Variants in ELOVL7 observed in about 807,000 individuals in gnomAD.
ELOVL7 encodes very long chain fatty acid elongase 7.
ELOVL7 carries 27 observed loss-of-function variants against 35.7 expected under a neutral mutation model. That is an observed-to-expected ratio of 0.76 (90% CI 0.56 to 1.04). The LOEUF (loss-of-function observed/expected upper bound fraction) is 1.04. ELOVL7 is among the 50% of genes least tolerant of loss of function. The pLI is 0.00. For synonymous variants in ELOVL7, 113 were observed against 114.6 expected (o/e 0.99, Z 0.09); for missense variants, 327 against 340.8 (o/e 0.96, Z 0.32).
At chr5:60,811,963 C>T (rs1223481350) in intron 1 of ELOVL7, among the ~76,000 whole-genome samples, 3 of 152,070 alleles carry the variant, frequency 2.0e-5, no homozygotes, top group African/African-American at 7.2e-5. Context: ...GACCTTTAAC[C>T]TCAGCAATTT....
chr5:60,757,388 C>T, intron 8 of ELOVL7, 121 bp downstream of exon 8: 1 of 936,132 alleles, frequency 1.1e-6, no homozygotes, highest in Non-Finnish European at 1.6e-6. Context: ...CATGTAGGGG[C>T]CAGACGCTCT....
At chr5:60,831,818 T>G (rs1746496434) in intron 1 of ELOVL7, among the ~76,000 whole-genome samples, 1 of 152,196 alleles carries the variant, frequency 6.6e-6, no homozygotes, top group African/African-American at 2.4e-5. Context: ...ATTAGAGTTG[T>G]GGTTACTCTT....
At chr5:60,827,288 C>T (rs1211654483) in intron 1 of ELOVL7, among the ~76,000 whole-genome samples, 2 of 152,116 alleles carry the variant, frequency 1.3e-5, no homozygotes, top group East Asian at 3.8e-4. Context: ...ACTAATATTT[C>T]CTTCCACTAT....
intron 1 of ELOVL7, among the ~76,000 whole-genome samples, chr5:60,833,507 C>G (rs1439679512): frequency 3.9e-5 from 6 of 152,154 alleles, no homozygotes; most frequent in Non-Finnish European, 8.8e-5. Flanking sequence ...TCTTGTCTCA[C>G]TTCCCCACTC....
In ELOVL7 at chr5:60,754,674, T is replaced by C. The variant is rs774731618; in HGVS notation, c.796A>G (p.Arg266Gly). 4 of 1,614,060 alleles carry C rather than the reference T, an allele frequency of 2.5e-6. No homozygotes were observed. Among genetic ancestry groups the C allele is most frequent in the Non-Finnish European group, 2.5e-6 (3 of 1,180,050 alleles). The stretch of plus-strand genomic sequence containing the variant: ...CCATTTTTCACAGTTTTGGGCAACC[T>C]CTGACCTTTGGTGTAAGCACGGTAC... Reference protein sequence around the residue: ...FWYRAYTKGQRLPKTVKNGTC... With the variant: ...FWYRAYTKGQGLPKTVKNGTC... Residue 266 changes from arginine to glycine, a missense_variant, in exon 9 of 9, where the codon AGG (arginine) becomes GGG (glycine). Coordinates refer to ENST00000508821, the MANE Select transcript of ELOVL7 (RefSeq NM_024930.3).
chr5:60,819,492 C>T (rs560920812), intron 1 of ELOVL7, among the ~76,000 whole-genome samples: 6 of 152,160 alleles, frequency 3.9e-5, no homozygotes, highest in African/African-American at 1.2e-4. Flanking sequence ...TTAAGAACCA[C>T]GATCATAGGC....
chr5:60,787,777 AG>A, intron 2 of ELOVL7, among the ~76,000 whole-genome samples: 1 of 152,356 alleles, frequency 6.6e-6, no homozygotes, highest in South Asian at 2.1e-4. Context: ...GAAGTGGCAA[AG>A]CTAAAGCAGA....
In ELOVL7 at chr5:60,754,330, A is replaced by G; in HGVS notation, c.*294T>C. The G allele has an allele frequency of 2.8e-6, 1 of 358,212 alleles. No homozygotes were observed. The highest frequency in any genetic ancestry group is 5.2e-6 in the Non-Finnish European group (1 of 192,866). 22.2% of individuals were successfully genotyped at this position (358,212 alleles called of 1,614,324 possible). A position where few individuals can be genotyped will look rare whatever the true frequency, so the allele number is the denominator to read the frequency against. ...TTTGAAGAGTACTGTATTGCTTCAT[A>G]TCTTTTTTTCACTGCAACAAAATGT... On this transcript the variant is annotated 3_prime_UTR_variant, in exon 9 of 9. Transcript: ENST00000508821.
chr5:60,800,824 T>C (rs1744564241), intron 1 of ELOVL7, among the ~76,000 whole-genome samples: 1 of 152,236 alleles, frequency 6.6e-6, no homozygotes. Context: ...AGAGGGCCAA[T>C]TGTACATATT....
rs111904360 is a variant in ELOVL7, at chr5:60,760,699, C to T, written c.500-3054G>A. Reference sequence around the variant, plus strand: ...TTGCCATTGCTTTTGGTGTTGTAGACATGAAGTCCTTGCCCATGCCTATGT... The same window carrying T: ...TTGCCATTGCTTTTGGTGTTGTAGATATGAAGTCCTTGCCCATGCCTATGT... On this transcript the variant is annotated intron_variant, in intron 7 of 8. Coordinates refer to ENST00000508821, the MANE Select transcript of ELOVL7 (RefSeq NM_024930.3). Among the ~76,000 whole-genome samples, 1,374 of 152,286 alleles carry T rather than the reference C, an allele frequency of 9.0e-3. 16 individuals carry two copies. Among genetic ancestry groups the T allele is most frequent in the African/African-American group, 0.032 (1,315 of 41,566 alleles).
intron 1 of ELOVL7, among the ~76,000 whole-genome samples, chr5:60,836,790 A>G (rs1746823102): frequency 2.0e-5 from 3 of 151,982 alleles, no homozygotes; most frequent in African/African-American, 7.3e-5. Flanking sequence ...TATTTAGATT[A>G]AGGGCTGCTA....
chr5:60,770,212 AT>A (rs1209383308), intron 4 of ELOVL7, among the ~76,000 whole-genome samples: 2 of 152,214 alleles, frequency 1.3e-5, no homozygotes. Context: ...TTACATTGTA[AT>A]TGATCAAGTA....
intron 4 of ELOVL7, among the ~76,000 whole-genome samples, chr5:60,769,751 A>G (rs1052521153): frequency 6.6e-6 from 1 of 152,174 alleles, no homozygotes; most frequent in Non-Finnish European, 1.5e-5. Context: ...ATTCCAGGCT[A>G]GTAATAAGAA....
intron 1 of ELOVL7, among the ~76,000 whole-genome samples, chr5:60,806,816 G>A (rs1335279708): frequency 1.3e-5 from 2 of 152,096 alleles, no homozygotes; most frequent in Non-Finnish European, 2.9e-5. Flanking sequence ...AGAATCCAGG[G>A]ACAAACATAA....
At position 60,767,804 on chromosome 5, in the gene ELOVL7, T is replaced by C; in HGVS notation, c.336+19A>G. ...TAACATTGATTTTGAATTTCAAGTT[T>C]TTCCAAAGAGAAACTTACCCTCAAA... On this transcript the variant is annotated intron_variant, in intron 5 of 8. Transcript: ENST00000508821. The C allele has an allele frequency of 6.2e-7, 1 of 1,601,538 alleles. No individual in the cohort carries two copies. The highest frequency in any genetic ancestry group is 8.6e-7 in the Non-Finnish European group (1 of 1,168,876).
At chr5:60,783,288 A>C (rs1743371293) in intron 3 of ELOVL7, among the ~76,000 whole-genome samples, 1 of 152,210 alleles carries the variant, frequency 6.6e-6, no homozygotes, top group Non-Finnish European at 1.5e-5. Flanking sequence ...ATCAAGTCCT[A>C]AAATTCTTCC....
intron 1 of ELOVL7, among the ~76,000 whole-genome samples, chr5:60,817,019 T>C (rs1233144562): frequency 6.6e-6 from 1 of 152,162 alleles, no homozygotes; most frequent in Non-Finnish European, 1.5e-5. Flanking sequence ...AAACCTGAGC[T>C]AATTATTTTA....
intron 1 of ELOVL7, among the ~76,000 whole-genome samples, chr5:60,821,014 G>A (rs1271084233): frequency 1.3e-5 from 2 of 152,002 alleles, no homozygotes; most frequent in Admixed American, 6.6e-5. Flanking sequence ...CAAAGTTCTC[G>A]GTAAATTTGA....
intron 6 of ELOVL7, 48 bp from the exon 7 acceptor site, chr5:60,764,380 T>C: frequency 2.2e-6 from 3 of 1,374,760 alleles, no homozygotes; most frequent in African/African-American, 1.4e-5. Context: ...CATTTGATAG[T>C]GTATTGAGTA....
Sources: gnomAD v4.1 joint callset for allele counts (sites outside exome capture counted in the v4.1 genomes callset) on GRCh38, gnomAD v4.1.1 for gene constraint, MANE v1.5 for transcripts, NCBI Gene and HGNC (gene_info 2026-07-23, HGNC 2026-07-21) for gene names.